ARNT: variants seen among roughly 807,000 people sequenced by gnomAD.
ARNT encodes the protein aryl hydrocarbon receptor nuclear translocator.
Under a neutral mutation model 105.0 loss-of-function variants are expected in ARNT, and 30 were observed. The ratio of observed to expected loss-of-function variants is 0.29; its 90% CI spans 0.21 to 0.39. The LOEUF (loss-of-function observed/expected upper bound fraction) is 0.39, where lower values mean the gene tolerates loss of function less well. Ranked by LOEUF, ARNT falls within the 10% of genes least tolerant of loss-of-function variation. ARNT has a pLI of 1.00. For missense variants in ARNT, 748 were observed against 978.7 expected (o/e 0.76, Z 3.15); for synonymous variants, 304 against 344.0 (o/e 0.88, Z 1.29).
rs1656266139 is a variant in ARNT, at chr1:150,817,945, T to C, written c.1480A>G (p.Met494Val). 1 of 1,613,338 alleles carries C rather than the reference T, an allele frequency of 6.2e-7. No individual in the cohort carries two copies. Among genetic ancestry groups the C allele is most frequent in the Non-Finnish European group, 8.5e-7 (1 of 1,179,760 alleles). Residue 494 changes from methionine (M) to valine (V), a missense_variant, in exon 15 of 22, where the codon ATG becomes GTG. Physicochemically the swap from Met to Val is conservative, Grantham distance 21 (BLOSUM62 1). This residue lies in a region of ARNT where 360 missense variants were observed against 411.9 expected (regional missense o/e 0.87). Transcript: ENST00000358595. ...CTGGGTGCCAGCTGTCCTGAGCCCA[T>C]CTCCAGGGGTAAATTAGCTGTGGGA... ...LGPTANLPLE[M>V]GSGQLAPRQQ...
At chr1:150,815,518 CAG>C in intron 19 of ARNT, among the ~76,000 whole-genome samples, 1 of 135,702 alleles carries the variant, frequency 7.4e-6, no homozygotes. Context: ...CACTGCACTC[CAG>C]AGCCTGGGCA....
rs1571163238 is a variant in ARNT, at chr1:150,814,071, A to G, written c.2113+6T>C. 6.2e-7 allele frequency: 1 copy of G among 1,613,938 alleles called. No individual in the cohort carries two copies. Among genetic ancestry groups the G allele is most frequent in the East Asian group, 2.2e-5 (1 of 44,882 alleles). ...TCCTGTTACTCTCCTTATGGTCTGG[A>G]CTCACCAAAGTTAGATCCACGATTG... On this transcript the variant is annotated splice_donor_region_variant and intron_variant, in intron 20 of 21. Coordinates refer to ENST00000358595, the MANE Select transcript of ARNT (RefSeq NM_001668.4).
Position 150,817,186 on chromosome 1 carries a change from G to A in ARNT, c.1595C>T (p.Thr532Ile). The change falls in exon 17 of 22, where the codon ACA (threonine) becomes ATA (isoleucine). Residue 532 changes from threonine to isoleucine, a missense_variant. Transcript: ENST00000358595. ...YNHSQVVQPV[T>I]TTGPEHSKPL... ...CTTGCTGTGTTCTGGTCCTGTGGTT[G>A]TCACAGGCTGAACCACCTGTGGAAT... 1.2e-6 allele frequency: 2 copies of A among 1,614,154 alleles called. No individual in the cohort carries two copies. The highest frequency in any genetic ancestry group is 8.5e-7 in the Non-Finnish European group (1 of 1,180,042).
At chr1:150,841,092 G>A (rs1198326299) in intron 5 of ARNT, among the ~76,000 whole-genome samples, 1 of 150,358 alleles carries the variant, frequency 6.7e-6, no homozygotes, top group Non-Finnish European at 1.5e-5. Flanking sequence ...GGGACTACAG[G>A]CGCACACCAC....
At chr1:150,831,594 A>C (rs1571273635) in intron 10 of ARNT, 1 of 487,584 alleles carries the variant, frequency 2.1e-6, no homozygotes, top group Non-Finnish European at 3.6e-6. Context: ...ATTCTGTGAC[A>C]CAGCCAATAC....
intron 13 of ARNT, among the ~76,000 whole-genome samples, chr1:150,823,618 T>G (rs1657565207): frequency 6.6e-6 from 1 of 150,912 alleles, no homozygotes; most frequent in Non-Finnish European, 1.5e-5. Flanking sequence ...TGGCACGATC[T>G]CTGCTCACTG....
rs1207005668 is a variant in ARNT, at chr1:150,829,817, CAGAA to C, written c.1032+83_1032+86del. On this transcript the variant is annotated intron_variant, in intron 11 of 21. Transcript: ENST00000358595. ...TTTTATGGAATTCTTCATTTGTATT[CAGAA>C]AGTAAAAGAAAATTAACAGGAATGA... The C allele has an allele frequency of 3.1e-5, 43 of 1,408,836 alleles. No homozygotes were observed. The Middle Eastern group carries it at 7.1e-4, about 23-fold the overall frequency. 87.3% of individuals were successfully genotyped at this position (1,408,836 alleles called of 1,614,324 possible). A position where few individuals can be genotyped will look rare whatever the true frequency, so the allele number is the denominator to read the frequency against.
intron 1 of ARNT, among the ~76,000 whole-genome samples, chr1:150,867,556 G>C (rs778234165): frequency 3.3e-5 from 5 of 152,066 alleles, no homozygotes; most frequent in Admixed American, 2.6e-4. Flanking sequence ...CTTTTAAATA[G>C]ATAAAAATAT....
Position 150,814,060 on chromosome 1 carries a change from T to A in ARNT, c.2113+17A>T, listed in dbSNP as rs1232954980. 4 of 1,612,754 alleles carry A rather than the reference T, an allele frequency of 2.5e-6. No homozygotes were observed. The highest frequency in any genetic ancestry group is 3.4e-6 in the Non-Finnish European group (4 of 1,179,486). On this transcript the variant is annotated intron_variant, in intron 20 of 21. Coordinates refer to ENST00000358595, the MANE Select transcript of ARNT (RefSeq NM_001668.4). Reference sequence around the variant, plus strand: ...TGGTGCGATTTTCCTGTTACTCTCCTTATGGTCTGGACTCACCAAAGTTAG... The same window carrying A: ...TGGTGCGATTTTCCTGTTACTCTCCATATGGTCTGGACTCACCAAAGTTAG...
rs1553199851 is a variant in ARNT at position 150,811,894 on chromosome 1, G to GGCAACAGAGCA, written c.*126_*127insTGCTCTGTTGC. On this transcript the variant is annotated 3_prime_UTR_variant, in exon 22 of 22. Coordinates refer to ENST00000358595, the MANE Select transcript of ARNT (RefSeq NM_001668.4). ...AGCAGGGGAACAGCCAGAAGGGAAA[G>GGCAACAGAGCA]GGGGTACATGTCAGGGGTGAGGGAA... 1 of 548,630 alleles carries GGCAACAGAGCA rather than the reference G, an allele frequency of 1.8e-6. No homozygotes were observed. The highest frequency in any genetic ancestry group is 4.2e-5 in the Admixed American group (1 of 23,674). 34.0% of individuals were successfully genotyped at this position (548,630 alleles called of 1,614,324 possible).
At chr1:150,871,939 T>C (rs934849418) in intron 1 of ARNT, among the ~76,000 whole-genome samples, 1 of 146,132 alleles carries the variant, frequency 6.8e-6, no homozygotes, top group African/African-American at 2.5e-5. Flanking sequence ...AAAAGGCCTT[T>C]GCAATATAAT....
At chr1:150,838,532 A>C (rs1660709258) in intron 6 of ARNT, among the ~76,000 whole-genome samples, 1 of 152,244 alleles carries the variant, frequency 6.6e-6, no homozygotes. Context: ...CAAAGTATGT[A>C]GTTTTAAGTA....
Position 150,809,738 on chromosome 1 carries a change from GA to G in ARNT, c.*2282del. ...TTTAAATTTCACTCATTTTAATCCA[GA>G]AAAGGACATACTGGGGGAAGGCATC... On this transcript the variant is annotated 3_prime_UTR_variant, in exon 22 of 22. Coordinates refer to ENST00000358595, the MANE Select transcript of ARNT (RefSeq NM_001668.4). The G allele has an allele frequency of 4.9e-6, 1 of 204,636 alleles. No homozygotes were observed. The highest frequency in any genetic ancestry group is 1.0e-5 in the Non-Finnish European group (1 of 100,258). The allele number at this position is 204,636 out of a possible 1,614,324, so 12.7% of individuals were successfully genotyped here.
chr1:150,874,558 G>C (rs796667868), intron 1 of ARNT, among the ~76,000 whole-genome samples: 5 of 152,184 alleles, frequency 3.3e-5, no homozygotes, highest in African/African-American at 1.2e-4. Flanking sequence ...TGGTGGCAAG[G>C]CACCTGTAGT....
chr1:150,859,645 C>T (rs1204535468), intron 1 of ARNT, among the ~76,000 whole-genome samples: 1 of 152,098 alleles, frequency 6.6e-6, no homozygotes, highest in Non-Finnish European at 1.5e-5. Flanking sequence ...GTTTGAGCCA[C>T]TGAGCCCAGC....
At chr1:150,822,577 T>C (rs1411579496) in intron 14 of ARNT, among the ~76,000 whole-genome samples, 6 of 152,192 alleles carry the variant, frequency 3.9e-5, no homozygotes, top group African/African-American at 1.4e-4. Context: ...CTGAAAGCTC[T>C]GCACTCCTTC....
In ARNT at chr1:150,812,025, T is replaced by G. The variant is rs1335812120; in HGVS notation, c.2366A>C (p.Glu789Ala). ...PDLTMFPPFS[E>A] ...CTTATCCTCACCCCAATAGTTCTAT[T>G]CTGAAAAGGGGGGAAACATAGTTAG... The change falls in exon 22 of 22, where the codon GAA (glutamate) becomes GCA (alanine). Residue 789 changes from glutamate to alanine, a missense_variant. Around this residue, in one of 4 missense-constraint regions of ARNT, gnomAD observed 360 missense variants for 411.9 expected, o/e 0.87. Coordinates refer to ENST00000358595, the MANE Select transcript of ARNT (RefSeq NM_001668.4). The G allele has an allele frequency of 1.3e-6, 2 of 1,554,526 alleles. No homozygotes were observed. Among genetic ancestry groups the G allele is most frequent in the Non-Finnish European group, 1.7e-6 (2 of 1,147,050 alleles).
At chr1:150,861,644 T>TA (rs1259703148) in intron 1 of ARNT, among the ~76,000 whole-genome samples, 1 of 151,860 alleles carries the variant, frequency 6.6e-6, no homozygotes, top group African/African-American at 2.4e-5. Flanking sequence ...ACCCTATCTC[T>TA]AAAAAAAATG....
At chr1:150,871,597 G>A (rs1182069679) in intron 1 of ARNT, among the ~76,000 whole-genome samples, 13 of 148,654 alleles carry the variant, frequency 8.7e-5, no homozygotes, top group African/African-American at 2.5e-4. Context: ...CACCATGCCC[G>A]GCCAAGGCAG....
Sources: gnomAD v4.1 joint callset for allele counts (sites outside exome capture counted in the v4.1 genomes callset) on GRCh38, gnomAD v4.1.1 for gene constraint, gnomAD v4.1.1 regional missense constraint, MANE v1.5 for transcripts, NCBI Gene and HGNC (gene_info 2026-07-23, HGNC 2026-07-21) for gene names.